ADCY5: variants seen among roughly 807,000 people sequenced by gnomAD.
ADCY5 encodes adenylate cyclase 5, also known as adenylate cyclase type 5.
ADCY5 carries 30 observed loss-of-function variants against 119.7 expected under a neutral mutation model. The ratio of observed to expected loss-of-function variants is 0.25; its 90% CI spans 0.19 to 0.34. The LOEUF is 0.34. Among genes scored for constraint, ADCY5 ranks in the 10% least tolerant of loss-of-function variants. The pLI, the probability that ADCY5 is intolerant of heterozygous loss-of-function variation, is 1.00. For synonymous variants in ADCY5, 753 were observed against 762.2 expected (o/e 0.99, Z 0.20); for missense variants, 1,324 against 1,775.2 (o/e 0.75, Z 4.57).
At chr3:123,443,549 C>T (rs1945759480) in intron 1 of ADCY5, among the ~76,000 whole-genome samples, 1 of 152,206 alleles carries the variant, frequency 6.6e-6, no homozygotes, top group Non-Finnish European at 1.5e-5. Context: ...CCTCATTTGT[C>T]TCCTCGCTAC....
At chr3:123,382,398 T>C (rs1944061546) in intron 1 of ADCY5, among the ~76,000 whole-genome samples, 1 of 152,132 alleles carries the variant, frequency 6.6e-6, no homozygotes, top group South Asian at 2.1e-4. Context: ...TACCATAGGA[T>C]TCAGAAAGTC....
At chr3:123,413,863 G>A (rs978863736) in intron 1 of ADCY5, among the ~76,000 whole-genome samples, 1 of 152,114 alleles carries the variant, frequency 6.6e-6, no homozygotes, top group African/African-American at 2.4e-5. Context: ...ACAAAGGGGT[G>A]GGGGGGCTGC....
intron 1 of ADCY5, among the ~76,000 whole-genome samples, chr3:123,434,359 C>A (rs1395060153): frequency 1.3e-5 from 2 of 152,188 alleles, no homozygotes; most frequent in East Asian, 3.8e-4. Flanking sequence ...TTGGGGCACC[C>A]AGGAACAGAT....
intron 1 of ADCY5, among the ~76,000 whole-genome samples, chr3:123,367,098 G>A (rs755446199): frequency 1.4e-4 from 22 of 152,320 alleles, no homozygotes; most frequent in Non-Finnish European, 2.2e-4. Context: ...CCTGGAAGTC[G>A]TACAAAAGTC....
chr3:123,287,458 T>A (rs1174044737), intron 19 of ADCY5, among the ~76,000 whole-genome samples: 1 of 152,232 alleles, frequency 6.6e-6, no homozygotes, highest in Non-Finnish European at 1.5e-5. Flanking sequence ...GCTCAACTGA[T>A]GTTCCCTAGA....
intron 6 of ADCY5, 97 bp downstream of exon 6, chr3:123,328,547 C>T: frequency 6.2e-6 from 9 of 1,451,004 alleles, no homozygotes; most frequent in East Asian, 2.3e-5. Context: ...CTGCCCACCC[C>T]ACCCTGCCCC....
intron 1 of ADCY5, among the ~76,000 whole-genome samples, chr3:123,445,227 G>A (rs1481350546): frequency 2.0e-5 from 3 of 152,244 alleles, no homozygotes; most frequent in Non-Finnish European, 2.9e-5. Flanking sequence ...GTAGGAGCCA[G>A]TGGGGGTGGG....
chr3:123,393,752 T>C (rs1461948866), intron 1 of ADCY5, among the ~76,000 whole-genome samples: 1 of 152,008 alleles, frequency 6.6e-6, no homozygotes, highest in East Asian at 1.9e-4. Context: ...CCTGCCTCCC[T>C]GACATCCCTG....
intron 12 of ADCY5, among the ~76,000 whole-genome samples, chr3:123,309,692 C>A (rs1940434565): frequency 6.6e-6 from 1 of 152,140 alleles, no homozygotes; most frequent in South Asian, 2.1e-4. Context: ...GGAACGAAGA[C>A]CTCTCCATCT....
intron 9 of ADCY5, 21 bp downstream of exon 9, chr3:123,320,728 A>C: frequency 1.9e-6 from 3 of 1,612,410 alleles, no homozygotes; most frequent in Non-Finnish European, 2.5e-6. Context: ...GAGCAGGAAT[A>C]AGGAAGGGCA....
chr3:123,445,737 C>T (rs145580701), intron 1 of ADCY5, among the ~76,000 whole-genome samples: 180 of 152,256 alleles, frequency 1.2e-3, no homozygotes, highest in Non-Finnish European at 2.0e-3. Flanking sequence ...GCCCCACTTA[C>T]TCCATTCACT....
chr3:123,301,655 G>T (rs1458408844), intron 14 of ADCY5, among the ~76,000 whole-genome samples: 1 of 152,214 alleles, frequency 6.6e-6, no homozygotes, highest in Non-Finnish European at 1.5e-5. Flanking sequence ...CCACAAATGA[G>T]GAGCCAGGAC....
At chr3:123,435,223 C>T (rs754015362) in intron 1 of ADCY5, among the ~76,000 whole-genome samples, 1 of 152,126 alleles carries the variant, frequency 6.6e-6, no homozygotes, top group African/African-American at 2.4e-5. Context: ...GAGGTCAAGG[C>T]TGCAATGAGC....
chr3:123,297,972 G>T (rs1191236486), intron 15 of ADCY5, among the ~76,000 whole-genome samples: 3 of 152,108 alleles, frequency 2.0e-5, no homozygotes, highest in Non-Finnish European at 2.9e-5. Flanking sequence ...ATGGCTATAA[G>T]AAAATTTTAA....
At chr3:123,355,871 G>T (rs1201493808) in intron 1 of ADCY5, among the ~76,000 whole-genome samples, 1 of 152,140 alleles carries the variant, frequency 6.6e-6, no homozygotes, top group Non-Finnish European at 1.5e-5. Flanking sequence ...GAAAAAGATT[G>T]CCAATCAAGT....
At position 123,283,023 on chromosome 3, in the gene ADCY5, T is replaced by C. The variant is rs560626648; in HGVS notation, c.*1585A>G. 1.1e-4 allele frequency: 17 copies of C among 152,340 alleles called. No individual in the cohort carries two copies. The highest frequency in any genetic ancestry group is 1.1e-3 in the Admixed American group (17 of 15,304). The allele number at this position is 152,340 out of a possible 1,614,324, so 9.4% of individuals were successfully genotyped here. On this transcript the variant is annotated 3_prime_UTR_variant, in exon 21 of 21. Transcript: ENST00000462833. Reference sequence around the variant, plus strand: ...AAATAGTATTTTTTTCTTGGTATGTTTAACTGCCCCCTCCCACTAAAACAA... The same window carrying C: ...AAATAGTATTTTTTTCTTGGTATGTCTAACTGCCCCCTCCCACTAAAACAA...
intron 1 of ADCY5, among the ~76,000 whole-genome samples, chr3:123,391,668 G>T (rs961665626): frequency 6.6e-6 from 1 of 152,136 alleles, no homozygotes; most frequent in East Asian, 1.9e-4. Flanking sequence ...CCAAGCAATG[G>T]GCTTAGCTTT....
At chr3:123,358,190 G>GTA (rs1943109742) in intron 1 of ADCY5, among the ~76,000 whole-genome samples, 11 of 116,208 alleles carry the variant, frequency 9.5e-5, no homozygotes, top group African/African-American at 2.9e-4. Flanking sequence ...GTGTGTGTGT[G>GTA]TGTGTAGGGA....
At chr3:123,344,038 G>A (rs1159109429) in intron 3 of ADCY5, among the ~76,000 whole-genome samples, 1 of 152,174 alleles carries the variant, frequency 6.6e-6, no homozygotes, top group East Asian at 1.9e-4. Flanking sequence ...CCGGGGTGGT[G>A]TGTGCTGCAC....
Sources: allele counts gnomAD v4.1 joint callset (sites outside exome capture counted in the v4.1 genomes callset), GRCh38; gene constraint gnomAD v4.1.1; transcripts MANE v1.5; gene names NCBI Gene and HGNC (gene_info 2026-07-23, HGNC 2026-07-21).